DDX17: variants seen among roughly 807,000 people sequenced by gnomAD.
The protein encoded by DDX17 is DEAD-box helicase 17.
DDX17 carries 10 observed loss-of-function variants against 80.8 expected under a neutral mutation model. The ratio of observed to expected loss-of-function variants is 0.12; its 90% confidence interval spans 0.08 to 0.21. The LOEUF (loss-of-function observed/expected upper bound fraction) is 0.21. DDX17 is among the 10% of genes least tolerant of loss of function. The probability of loss-of-function intolerance (pLI) is 1.00; values close to 1 mark genes in which losing one functional copy is unlikely to be tolerated. For synonymous variants in DDX17, 339 were observed against 336.2 expected, an observed-to-expected ratio of 1.01 and a Z score of -0.09; for missense variants, 586 against 957.4, an observed-to-expected ratio of 0.61 and a Z score of 5.12.
At chr22:38,490,080 T>C in intron 11 of DDX17, 2 of 1,078,662 alleles carry the variant, frequency 1.9e-6, no homozygotes, top group Non-Finnish European at 2.3e-6. Context: ...AAGTTCTTCA[T>C]ACTAGAAAGG....
At chr22:38,495,677 T>C (rs2089756566) in intron 6 of DDX17, 119 bp downstream of exon 6, 1 of 810,608 alleles carries the variant, frequency 1.2e-6, no homozygotes, top group Admixed American at 2.9e-5. Flanking sequence ...CATCTGAGAA[T>C]TTCTAAGCTG....
At chr22:38,488,166 G>C (rs1245301960) in intron 11 of DDX17, 51 bp from the exon 12 acceptor site, 2 of 1,612,178 alleles carry the variant, frequency 1.2e-6, no homozygotes, top group Non-Finnish European at 1.7e-6. Flanking sequence ...CAGGGAAAGA[G>C]AAGGTAAAGG....
chr22:38,506,218 G>A lies in DDX17; in HGVS notation c.20C>T (p.Ala7Val), dbSNP rs1311761076. ...CGGGAGCAAAACACAGAGAATCGGGGCTACAAAGCCGGTGGGCAGGTTTGG... is the reference window on the plus strand; with the variant it reads ...CGGGAGCAAAACACAGAGAATCGGGACTACAAAGCCGGTGGGCAGGTTTGG... The change falls in exon 1 of 13, where the codon GCC (alanine) becomes GTC (valine). Residue 7 changes from alanine to valine, a missense_variant. This residue lies in a region of DDX17 where 215 missense variants were observed against 238.4 expected (regional missense o/e 0.90). Coordinates refer to ENST00000403230, the MANE Select transcript of DDX17 (RefSeq NM_006386.5). 13 of 1,606,426 alleles carry A rather than the reference G, an allele frequency of 8.1e-6. No individual in the cohort carries two copies. Among genetic ancestry groups the A allele is most frequent in the South Asian group, 1.1e-5 (1 of 90,080 alleles).
chr22:38,505,945 C>A lies in DDX17; in HGVS notation c.287+6G>T. 1.0e-5 allele frequency: 16 copies of A among 1,568,192 alleles called. No homozygotes were observed. The highest frequency in any genetic ancestry group is 1.4e-5 in the Non-Finnish European group (16 of 1,156,876). On this transcript the variant is annotated splice_donor_region_variant and intron_variant, in intron 1 of 12. Transcript: ENST00000403230. Reference sequence around the variant, plus strand: ...CCAGGCCTCTCCTCTCCTCCCCCACCCTTACCCTCCACGGTCACGATCCCG... The same window carrying A: ...CCAGGCCTCTCCTCTCCTCCCCCACACTTACCCTCCACGGTCACGATCCCG...
At chr22:38,496,929 ATTTC>A (rs1199143571) in intron 5 of DDX17, among the ~76,000 whole-genome samples, 1 of 152,190 alleles carries the variant, frequency 6.6e-6, no homozygotes, top group Non-Finnish European at 1.5e-5. Flanking sequence ...GTACTGCATT[ATTTC>A]TTTTTGTGAA....
At chr22:38,492,686 A>C (rs997433307) in intron 10 of DDX17, among the ~76,000 whole-genome samples, 2 of 152,116 alleles carry the variant, frequency 1.3e-5, no homozygotes, top group Admixed American at 1.3e-4. Flanking sequence ...GGGTTTCTCC[A>C]TGTTGGTCAG....
intron 3 of DDX17, 78 bp downstream of exon 3, chr22:38,499,322 A>G (rs1309912285): frequency 8.9e-7 from 1 of 1,118,018 alleles, no homozygotes; most frequent in African/African-American, 1.5e-5. Flanking sequence ...AGCCTGGCTC[A>G]AAGAGTTTAA....
At chr22:38,497,297 CAAAAAAAAAAA>C (rs138448) in intron 5 of DDX17, among the ~76,000 whole-genome samples, 5 of 36,182 alleles carry the variant, frequency 1.4e-4, no homozygotes, top group Admixed American at 1.0e-3. Flanking sequence ...AACTCCATCT[CAAAAAAAAAAA>C]AAAAAAAAAA....
At chr22:38,491,894 G>C (rs1187928338) in intron 11 of DDX17, 162 bp downstream of exon 11, 2 of 463,664 alleles carry the variant, frequency 4.3e-6, no homozygotes, top group Non-Finnish European at 7.3e-6. Flanking sequence ...TTGTGGGGGG[G>C]GCAGGGAATG....
At position 38,494,977 on chromosome 22, in the gene DDX17, C is replaced by T. The variant is rs747763035; in HGVS notation, c.950G>A (p.Arg317His). The change falls in exon 7 of 13, where the codon CGC becomes CAC. Residue 317 changes from arginine to histidine, a missense_variant. Coordinates refer to ENST00000403230, the MANE Select transcript of DDX17 (RefSeq NM_006386.5). ...GTCCAATACAAGGTAAGTACATCGG[C>T]GAAGATTTGTCTTTCCTGACTCCAG... 7 of 1,614,148 alleles carry T rather than the reference C, an allele frequency of 4.3e-6. No individual in the cohort carries two copies. The highest frequency in any genetic ancestry group is 3.3e-5 in the South Asian group (3 of 91,074).
chr22:38,495,730 AAT>A, intron 6 of DDX17, 64 bp downstream of exon 6: 3 of 1,339,244 alleles, frequency 2.2e-6, no homozygotes, highest in Non-Finnish European at 2.9e-6. Context: ...TTTTTTCTCC[AAT>A]TTCCTCCACA....
chr22:38,492,106 G>A lies in DDX17; in HGVS notation c.1397C>T (p.Ser466Phe). The change falls in exon 11 of 13, where the codon TCT (serine) becomes TTT (phenylalanine). Residue 466 changes from serine (S) to phenylalanine (F), a missense_variant. Ser to Phe is a radical substitution (Grantham distance 155). Around this residue, in one of 4 missense-constraint regions of DDX17, gnomAD observed 141 missense variants for 379.3 expected, o/e 0.37. Transcript: ENST00000403230. ...AGCAATAAGGATGGGTGCCTTTCCAGAACGGAACTCTGTAAAAACAAACAA... is the reference window on the plus strand; with the variant it reads ...AGCAATAAGGATGGGTGCCTTTCCAAAACGGAACTCTGTAAAAACAAACAA... 6.2e-7 allele frequency: 1 copy of A among 1,610,720 alleles called. No homozygotes were observed. The highest frequency in any genetic ancestry group is 1.3e-5 in the African/African-American group (1 of 74,930).
intron 2 of DDX17, 50 bp downstream of exon 2, chr22:38,501,080 T>C: frequency 6.3e-7 from 1 of 1,575,064 alleles, no homozygotes; most frequent in South Asian, 1.2e-5. Context: ...CTAACCAATA[T>C]ATCTACTTGG....
chr22:38,502,696 T>C (rs2089842559), intron 1 of DDX17, among the ~76,000 whole-genome samples: 1 of 152,230 alleles, frequency 6.6e-6, no homozygotes, highest in African/African-American at 2.4e-5. Flanking sequence ...CCTAGAAGAA[T>C]CTTAACACTA....
Position 38,506,106 on chromosome 22 carries a change from T to C in DDX17, c.132A>G (p.Pro44=), listed in dbSNP as rs2089880859. The C allele has an allele frequency of 1.3e-6, 2 of 1,578,288 alleles. No homozygotes were observed. The highest frequency in any genetic ancestry group is 1.7e-6 in the Non-Finnish European group (2 of 1,162,804). ...CCGATGGCGGCGGCGCCTCCGCTGT[T>C]GGGGCGGCGGCAGGCGCAGCGCTCT... Residue 44 remains proline (P), a synonymous_variant, in exon 1 of 13, where the codon CCA becomes CCG. Transcript: ENST00000403230.
At position 38,495,246 on chromosome 22, in the gene DDX17, A is replaced by ATTTTT. The variant is rs138442; in HGVS notation, c.881-205_881-201dup. 1.5e-4 allele frequency among the ~76,000 whole-genome samples: 20 copies of ATTTTT among 130,680 alleles called. 2 individuals are homozygous for ATTTTT. The highest frequency in any genetic ancestry group is 4.1e-4 in the African/African-American group (14 of 34,404). 85.7% of individuals were successfully genotyped at this position (130,680 alleles called of 152,430 possible). Reference sequence around the variant, plus strand: ...CTGTACTCAATGCTGCAGAGAAGCTATTTTTTTTTTTTTTTTTGAGATGGA... The same window carrying ATTTTT: ...CTGTACTCAATGCTGCAGAGAAGCTATTTTTTTTTTTTTTTTTTTTTTGAGATGGA... On this transcript the variant is annotated intron_variant, in intron 6 of 12. Transcript: ENST00000403230.
chr22:38,495,243 G>C (rs532320087), intron 6 of DDX17, among the ~76,000 whole-genome samples, 197 bp from the exon 7 acceptor site: 3 of 82,466 alleles, frequency 3.6e-5, no homozygotes, highest in African/African-American at 1.5e-4. Context: ...CTGCAGAGAA[G>C]CTATTTTTTT....
Position 38,484,638 on chromosome 22 carries a change from T to C in DDX17, c.*1297A>G, listed in dbSNP as rs1180324436. 3 of 152,228 alleles carry C rather than the reference T, an allele frequency of 2.0e-5. No individual in the cohort carries two copies. The highest frequency in any genetic ancestry group is 4.4e-5 in the Non-Finnish European group (3 of 68,042). 9.4% of individuals were successfully genotyped at this position (152,228 alleles called of 1,614,324 possible). A position where few individuals can be genotyped will look rare whatever the true frequency, so the allele number is the denominator to read the frequency against. On this transcript the variant is annotated 3_prime_UTR_variant, in exon 13 of 13. Coordinates refer to ENST00000403230, the MANE Select transcript of DDX17 (RefSeq NM_006386.5). ...TAGTGAACACAATAGCAGAAAATTC[T>C]TTCTGGGTCCATCTGCTATAAAGTC...
chr22:38,499,107 T>C (rs1464459788), intron 3 of DDX17, among the ~76,000 whole-genome samples: 2 of 152,186 alleles, frequency 1.3e-5, no homozygotes, highest in Non-Finnish European at 2.9e-5. Flanking sequence ...CATGGGAACA[T>C]GGTAGTCATT....
Sources: allele counts gnomAD v4.1 joint callset (sites outside exome capture counted in the v4.1 genomes callset), GRCh38; gene constraint gnomAD v4.1.1; regional missense constraint gnomAD v4.1.1; transcripts MANE v1.5; gene names NCBI Gene and HGNC (gene_info 2026-07-23, HGNC 2026-07-21).